PCDHA5: variants seen among roughly 807,000 people sequenced by gnomAD.
PCDHA5 encodes protocadherin alpha 5.
PCDHA5 carries 43 observed loss-of-function variants against 61.6 expected under a neutral mutation model. That is an observed-to-expected ratio of 0.70 (90% CI 0.55 to 0.90). The LOEUF (loss-of-function observed/expected upper bound fraction) is 0.90. Among genes scored for constraint, PCDHA5 ranks in the 40% least tolerant of loss-of-function variants. The pLI is 0.00. For missense variants in PCDHA5, 1,298 were observed against 1,222.7 expected (o/e 1.06, Z -0.92); for synonymous variants, 627 against 543.9 (o/e 1.15, Z -2.13).
chr5:140,822,933 C>T lies in PCDHA5; in HGVS notation c.1158C>T (p.Cys386=). ...RDSGANGQVT[C]SLMPHVPFKL... ...CAGGTGCCAACGGGCAGGTGACCTG[C>T]TCCCTAATGCCCCACGTTCCCTTCA... The change falls in exon 1 of 4, where the codon TGC becomes TGT. Residue 386 remains cysteine, a synonymous_variant. Transcript: ENST00000529859. The T allele has an allele frequency of 6.2e-7, 1 of 1,614,270 alleles. No homozygotes were observed. Among genetic ancestry groups the T allele is most frequent in the Non-Finnish European group, 8.5e-7 (1 of 1,180,056 alleles).
intron 1 of PCDHA5, among the ~76,000 whole-genome samples, chr5:140,944,030 A>G (rs1272534224): frequency 1.3e-5 from 2 of 152,214 alleles, no homozygotes; most frequent in East Asian, 1.9e-4. Context: ...TCTTCAAAAT[A>G]TGGAAAACCA....
chr5:140,926,705 G>A (rs1269250825), intron 1 of PCDHA5: 2 of 849,690 alleles, frequency 2.4e-6, no homozygotes, highest in Non-Finnish European at 3.3e-6. Context: ...GCTCCCAGCT[G>A]GCCAGCCCCG....
At chr5:140,908,971 C>T (rs2074247509) in intron 1 of PCDHA5, among the ~76,000 whole-genome samples, 1 of 152,274 alleles carries the variant, frequency 6.6e-6, no homozygotes, top group Admixed American at 6.5e-5. Flanking sequence ...TGATAGGCCC[C>T]ACTCCACTGG....
intron 1 of PCDHA5, among the ~76,000 whole-genome samples, chr5:140,890,014 A>G (rs1402612271): frequency 6.6e-6 from 1 of 152,148 alleles, no homozygotes; most frequent in African/African-American, 2.4e-5. Flanking sequence ...TGCCAGAAAA[A>G]TGTAGAAGGC....
intron 1 of PCDHA5, among the ~76,000 whole-genome samples, chr5:140,945,017 T>C (rs1563211481): frequency 6.6e-6 from 1 of 152,172 alleles, no homozygotes; most frequent in Non-Finnish European, 1.5e-5. Context: ...AATTATTTTT[T>C]ACTCAGACAT....
At chr5:140,856,264 C>A (rs1309055685) in intron 1 of PCDHA5, 7 of 1,598,114 alleles carry the variant, frequency 4.4e-6, no homozygotes, top group South Asian at 3.3e-5. Flanking sequence ...GACACGGGGA[C>A]CTTCTGGAGG....
intron 3 of PCDHA5, among the ~76,000 whole-genome samples, chr5:140,985,992 G>A (rs1173402846): frequency 3.3e-5 from 5 of 152,068 alleles, no homozygotes; most frequent in African/African-American, 4.8e-5. Context: ...GCCCACCTCA[G>A]CCTCCCAAAG....
intron 1 of PCDHA5, chr5:140,848,680 G>A: frequency 1.9e-6 from 3 of 1,592,366 alleles, no homozygotes; most frequent in East Asian, 2.2e-5. Context: ...CTGGTGCCGC[G>A]CCTGTTCCAG....
chr5:140,822,929 C>T lies in PCDHA5; in HGVS notation c.1154C>T (p.Thr385Ile). Residue 385 changes from threonine to isoleucine, a missense_variant, in exon 1 of 4, where the codon ACC (threonine) becomes ATC (isoleucine). Transcript: ENST00000529859. The part of the protein sequence containing the change: ...DRDSGANGQV[T>I]CSLMPHVPFK... ...GACTCAGGTGCCAACGGGCAGGTGA[C>T]CTGCTCCCTAATGCCCCACGTTCCC... 1 of 1,614,266 alleles carries T rather than the reference C, an allele frequency of 6.2e-7. No homozygotes were observed.
intron 1 of PCDHA5, among the ~76,000 whole-genome samples, chr5:140,938,135 A>T (rs926775458): frequency 1.3e-5 from 2 of 152,198 alleles, no homozygotes; most frequent in Non-Finnish European, 2.9e-5. Flanking sequence ...AAATAGAGAT[A>T]GAGTCTCACT....
At chr5:140,967,155 C>A (rs1554229255) in intron 1 of PCDHA5, 1 of 1,610,598 alleles carries the variant, frequency 6.2e-7, no homozygotes, top group Admixed American at 1.7e-5. Context: ...AACCCCGTGG[C>A]GGTGAGCGCC....
intron 3 of PCDHA5, among the ~76,000 whole-genome samples, chr5:141,002,467 G>A (rs1266754067): frequency 6.6e-6 from 1 of 152,202 alleles, no homozygotes; most frequent in African/African-American, 2.4e-5. Context: ...TAACGCTTTA[G>A]CATTTTCAAA....
At chr5:140,862,968 G>C in intron 1 of PCDHA5, 1 of 544,810 alleles carries the variant, frequency 1.8e-6, no homozygotes, top group Non-Finnish European at 3.6e-6. Context: ...GTGGATGCAG[G>C]CCACTTGGTG....
At chr5:140,897,008 T>C (rs1215081415) in intron 1 of PCDHA5, among the ~76,000 whole-genome samples, 13 of 152,154 alleles carry the variant, frequency 8.5e-5, no homozygotes, top group Admixed American at 1.3e-4. Flanking sequence ...TATTTTTAAA[T>C]ATACAACTAA....
Position 140,821,709 on chromosome 5 carries a change from G to C in PCDHA5, c.-67G>C. ...ATATAAAAAATATATAGTTAATTGGGAATTGAATTTACAAAATACATTGTG... is the reference window on the plus strand; with the variant it reads ...ATATAAAAAATATATAGTTAATTGGCAATTGAATTTACAAAATACATTGTG... On this transcript the variant is annotated 5_prime_UTR_variant, in exon 1 of 4. Coordinates refer to ENST00000529859, the MANE Select transcript of PCDHA5 (RefSeq NM_018908.3). 1 of 1,452,026 alleles carries C rather than the reference G, an allele frequency of 6.9e-7. No individual in the cohort carries two copies. The highest frequency in any genetic ancestry group is 9.3e-7 in the Non-Finnish European group (1 of 1,073,086). The allele number at this position is 1,452,026 out of a possible 1,614,324, so 89.9% of individuals were successfully genotyped here. A position where few individuals can be genotyped will look rare whatever the true frequency, so the allele number is the denominator to read the frequency against.
chr5:140,943,257 CAAA>C (rs1238620023), intron 1 of PCDHA5, among the ~76,000 whole-genome samples: 2 of 77,570 alleles, frequency 2.6e-5, no homozygotes. Flanking sequence ...GACTCTGTCT[CAAA>C]AAAAAAAAAA....
At chr5:140,858,130 C>T in intron 1 of PCDHA5, 1 of 1,597,774 alleles carries the variant, frequency 6.3e-7, no homozygotes, top group Non-Finnish European at 8.6e-7. Flanking sequence ...TGGTGGATGT[C>T]AACGTGTACC....
At chr5:140,854,746 A>G (rs1562496146) in intron 1 of PCDHA5, 1 of 149,836 alleles carries the variant, frequency 6.7e-6, no homozygotes, top group Non-Finnish European at 1.5e-5. Context: ...CAGCACAGAT[A>G]TATTACATTT....
rs183652630 is a variant in PCDHA5 at position 140,854,028 on chromosome 5, G to A, written c.2352+29901G>A. 2.2e-3 allele frequency: 685 copies of A among 307,422 alleles called. 24 individuals are homozygous for A. The highest frequency in any genetic ancestry group is 3.0e-3 in the Non-Finnish European group (614 of 202,590). 19.0% of individuals were successfully genotyped at this position (307,422 alleles called of 1,614,324 possible). A position where few individuals can be genotyped will look rare whatever the true frequency, so the allele number is the denominator to read the frequency against. On this transcript the variant is annotated intron_variant, in intron 1 of 3. Transcript: ENST00000529859. ...AAAAAAAAAATTAGCCGGGCATGGTGGCACACATCTCTAGTCCCAATTACT... is the reference window on the plus strand; with the variant it reads ...AAAAAAAAAATTAGCCGGGCATGGTAGCACACATCTCTAGTCCCAATTACT...
Sources: gnomAD v4.1 joint callset for allele counts (sites outside exome capture counted in the v4.1 genomes callset) on GRCh38, gnomAD v4.1.1 for gene constraint, MANE v1.5 for transcripts, NCBI Gene and HGNC (gene_info 2026-07-23, HGNC 2026-07-21) for gene names.